Variants in SGMS1 observed in about 807,000 individuals in gnomAD.
The protein encoded by SGMS1 is phosphatidylcholine:ceramide cholinephosphotransferase 1.
A neutral mutation model predicts 46.2 loss-of-function variants in SGMS1; 13 were observed. The ratio of observed to expected loss-of-function variants is 0.28; its 90% CI spans 0.18 to 0.45. The LOEUF is 0.45. SGMS1 is among the 20% of genes least tolerant of loss of function. The probability of loss-of-function intolerance (pLI) is 1.00; values close to 1 mark genes in which losing one functional copy is unlikely to be tolerated. For missense variants in SGMS1, 324 were observed against 519.9 expected, an observed-to-expected ratio of 0.62 and a Z score of 3.66; for synonymous variants, 203 against 187.8, an observed-to-expected ratio of 1.08 and a Z score of -0.66.
intron 6 of SGMS1, among the ~76,000 whole-genome samples, chr10:50,360,102 T>A (rs1356794046): frequency 6.6e-6 from 1 of 152,240 alleles, no homozygotes. Flanking sequence ...CTTCATTAGC[T>A]TTCTTAAAAA....
chr10:50,599,928 A>G (rs1838633902), intron 1 of SGMS1, among the ~76,000 whole-genome samples: 1 of 152,232 alleles, frequency 6.6e-6, no homozygotes, highest in Non-Finnish European at 1.5e-5. Context: ...TTAGTCTGTC[A>G]GGCAGGGAAA....
chr10:50,377,723 C>A (rs1848539397), intron 6 of SGMS1, among the ~76,000 whole-genome samples: 1 of 152,120 alleles, frequency 6.6e-6, no homozygotes, highest in South Asian at 2.1e-4. Flanking sequence ...AGTCTGGAGG[C>A]CAGAAGTCTG....
chr10:50,461,753 G>C (rs1837268563), intron 4 of SGMS1, among the ~76,000 whole-genome samples: 1 of 152,004 alleles, frequency 6.6e-6, no homozygotes, highest in Admixed American at 6.5e-5. Flanking sequence ...CCAACTAACA[G>C]GCTTAATTCT....
At chr10:50,556,556 G>C (rs1036794887) in intron 2 of SGMS1, among the ~76,000 whole-genome samples, 2 of 152,174 alleles carry the variant, frequency 1.3e-5, no homozygotes, top group African/African-American at 2.4e-5. Flanking sequence ...TCTCAGGAGA[G>C]CAAGGAGGCC....
chr10:50,318,915 C>G lies in SGMS1; in HGVS notation c.742-7500G>C, dbSNP rs530745872. 3.3e-5 allele frequency among the ~76,000 whole-genome samples: 5 copies of G among 152,128 alleles called. No homozygotes were observed. In the South Asian group the frequency reaches 8.3e-4, roughly 25 times the overall value. On this transcript the variant is annotated intron_variant, in intron 8 of 10. Transcript: ENST00000361781. The stretch of plus-strand genomic sequence containing the variant: ...AATAAAACACTAATCTCCCACCAGC[C>G]CCTCCTTCCCTCCATCAAAAAAAAC...
intron 2 of SGMS1, among the ~76,000 whole-genome samples, chr10:50,555,300 T>C (rs1838181171): frequency 6.6e-6 from 1 of 152,240 alleles, no homozygotes; most frequent in South Asian, 2.1e-4. Flanking sequence ...TCAATTAAAA[T>C]ATTAAAATTC....
chr10:50,312,620 A>G (rs1025028193), intron 8 of SGMS1, among the ~76,000 whole-genome samples: 3 of 152,226 alleles, frequency 2.0e-5, no homozygotes, highest in African/African-American at 7.2e-5. Flanking sequence ...TTTTGTGGGA[A>G]AATGATTTCC....
At chr10:50,433,732 A>G (rs1849435022) in intron 5 of SGMS1, among the ~76,000 whole-genome samples, 176 bp from the exon 6 acceptor site, 1 of 152,222 alleles carries the variant, frequency 6.6e-6, no homozygotes, top group South Asian at 2.1e-4. Context: ...TTACCTTAAG[A>G]GAAAAAAAAT....
intron 3 of SGMS1, among the ~76,000 whole-genome samples, chr10:50,497,409 C>T (rs1837624050): frequency 6.6e-6 from 1 of 152,218 alleles, no homozygotes; most frequent in Non-Finnish European, 1.5e-5. Context: ...AAACAAGCTT[C>T]AGTGTTCTAT....
At chr10:50,438,654 A>G (rs996813895) in intron 5 of SGMS1, among the ~76,000 whole-genome samples, 2 of 152,202 alleles carry the variant, frequency 1.3e-5, no homozygotes, top group African/African-American at 2.4e-5. Context: ...GTAGCTATAG[A>G]TAACTACTAC....
Position 50,567,796 on chromosome 10 carries a change from C to T in SGMS1, c.-589+22357G>A, listed in dbSNP as rs1838302849. Among the ~76,000 whole-genome samples the T allele has an allele frequency of 2.6e-5, 4 of 152,186 alleles. No individual in the cohort carries two copies. The South Asian group carries it at 8.3e-4, about 31-fold the overall frequency. ...CACTTATTTCAAATGCTTCAATTTT[C>T]TTTTTCCACAGGGGGAAAAGGGGGG... is the stretch of plus-strand genomic sequence containing the variant. On this transcript the variant is annotated intron_variant, in intron 2 of 10. Coordinates refer to ENST00000361781, the MANE Select transcript of SGMS1 (RefSeq NM_147156.4).
chr10:50,559,420 T>A (rs1457859701), intron 2 of SGMS1, among the ~76,000 whole-genome samples: 1 of 152,144 alleles, frequency 6.6e-6, no homozygotes, highest in African/African-American at 2.4e-5. Context: ...AGCAACCATA[T>A]ACAATAGATA....
chr10:50,624,552 G>C, upstream of SGMS1: 4 of 978,148 alleles, frequency 4.1e-6, no homozygotes, highest in Non-Finnish European at 3.6e-6. Context: ...AGCTCTAACC[G>C]CGCGAGGTGA....
chr10:50,505,328 G>A lies in SGMS1; in HGVS notation c.-498+14503C>T, dbSNP rs77095803. ...CCCAAAATCTAGTCAATACCAGATAGAGGGGTAGATTTTTATACCAATTTA... is the reference window on the plus strand; with the variant it reads ...CCCAAAATCTAGTCAATACCAGATAAAGGGGTAGATTTTTATACCAATTTA... On this transcript the variant is annotated intron_variant, in intron 3 of 10. Transcript: ENST00000361781. Among the ~76,000 whole-genome samples, 1,424 of 152,334 alleles carry A rather than the reference G, an allele frequency of 9.3e-3. 26 individuals are homozygous for A. The highest frequency in any genetic ancestry group is 0.033 in the African/African-American group (1,359 of 41,568).
chr10:50,336,511 G>A (rs1436215), intron 7 of SGMS1, among the ~76,000 whole-genome samples: 16,700 of 151,954 alleles, frequency 0.11, 1,037 homozygotes, highest in Middle Eastern at 0.16. Context: ...AAAAATGGAC[G>A]GCTATCAAAG....
intron 4 of SGMS1, among the ~76,000 whole-genome samples, chr10:50,464,328 T>C (rs1366102990): frequency 1.3e-5 from 2 of 151,978 alleles, no homozygotes; most frequent in Non-Finnish European, 2.9e-5. Flanking sequence ...ACTTTAAAGA[T>C]GGAAAAGGGC....
intron 6 of SGMS1, among the ~76,000 whole-genome samples, chr10:50,393,261 G>C (rs1379736381): frequency 6.6e-6 from 1 of 152,088 alleles, no homozygotes; most frequent in Admixed American, 6.6e-5. Flanking sequence ...CTCTATGGGA[G>C]GGCTTTATCC....
upstream of SGMS1, chr10:50,624,584 C>T (rs1474749050): frequency 1.3e-5 from 13 of 984,948 alleles, no homozygotes; most frequent in South Asian, 1.4e-4. Flanking sequence ...GCGTCAGAGC[C>T]GCCCCGCCCC....
intron 6 of SGMS1, among the ~76,000 whole-genome samples, chr10:50,391,966 G>A (rs929717252): frequency 6.6e-6 from 1 of 151,918 alleles, no homozygotes. Flanking sequence ...TCACTTATAA[G>A]TGGAAGCTAA....
Sources: gnomAD v4.1 joint callset for allele counts (sites outside exome capture counted in the v4.1 genomes callset) on GRCh38, gnomAD v4.1.1 for gene constraint, MANE v1.5 for transcripts, NCBI Gene and HGNC (gene_info 2026-07-23, HGNC 2026-07-21) for gene names.